Variants in GALNT17 observed in about 807,000 individuals in gnomAD.
The protein encoded by GALNT17 is polypeptide N-acetylgalactosaminyltransferase 17, also known as UDP-GalNAc:polypeptide N-acetylgalactosaminyltransferase-like 3.
Under a neutral mutation model 63.7 loss-of-function variants are expected in GALNT17, and 29 were observed. The observed-to-expected ratio is 0.46, with a 90% CI of 0.34 to 0.62. The LOEUF (loss-of-function observed/expected upper bound fraction) is 0.62, where lower values mean the gene tolerates loss of function less well. GALNT17 is among the 20% of genes least tolerant of loss of function. GALNT17 has a pLI of 0.01. For synonymous variants in GALNT17, 305 were observed against 318.3 expected (o/e 0.96, Z 0.45); for missense variants, 603 against 799.6 (o/e 0.75, Z 2.97).
chr7:71,629,577 TCAAA>T (rs1454437469), intron 6 of GALNT17, among the ~76,000 whole-genome samples: 2 of 152,104 alleles, frequency 1.3e-5, no homozygotes, highest in African/African-American at 4.8e-5. Context: ...ATTCCTGGGC[TCAAA>T]CAATCTTCCC....
At chr7:71,616,524 C>T (rs936073135) in intron 6 of GALNT17, among the ~76,000 whole-genome samples, 3 of 145,950 alleles carry the variant, frequency 2.1e-5, no homozygotes, top group African/African-American at 7.5e-5. Flanking sequence ...TATGTTAATA[C>T]ATTATATGTA....
intron 5 of GALNT17, among the ~76,000 whole-genome samples, chr7:71,512,623 G>A (rs891874201): frequency 6.6e-6 from 1 of 152,196 alleles, no homozygotes; most frequent in Admixed American, 6.5e-5. Flanking sequence ...ATGAACGTGA[G>A]AGACCATTGA....
At chr7:71,526,624 A>C (rs553609728) in intron 5 of GALNT17, among the ~76,000 whole-genome samples, 1 of 152,042 alleles carries the variant, frequency 6.6e-6, no homozygotes, top group Non-Finnish European at 1.5e-5. Flanking sequence ...GGTTCAAGCA[A>C]TTCTCCTGTC....
At chr7:71,496,402 G>A (rs1479393411) in intron 5 of GALNT17, among the ~76,000 whole-genome samples, 1 of 152,118 alleles carries the variant, frequency 6.6e-6, no homozygotes, top group Non-Finnish European at 1.5e-5. Context: ...TCTTTCTAGA[G>A]AAACAGCAGG....
At chr7:71,465,786 G>A (rs1255785841) in intron 5 of GALNT17, among the ~76,000 whole-genome samples, 1 of 152,180 alleles carries the variant, frequency 6.6e-6, no homozygotes, top group Non-Finnish European at 1.5e-5. Flanking sequence ...CTGTCTTGAG[G>A]TTATAGAAAG....
At chr7:71,183,926 G>A (rs1026544335) in intron 1 of GALNT17, among the ~76,000 whole-genome samples, 50 of 151,950 alleles carry the variant, frequency 3.3e-4, no homozygotes, top group African/African-American at 5.3e-4. Context: ...CAGCAGCAGG[G>A]ACAACCACAT....
Position 71,504,085 on chromosome 7 carries a change from G to A in GALNT17, c.963-67200G>A, listed in dbSNP as rs62459901. Among the ~76,000 whole-genome samples, 481 of 152,138 alleles carry A rather than the reference G, an allele frequency of 3.2e-3. 8 individuals are homozygous for A. Among genetic ancestry groups the A allele is most frequent in the South Asian group, 0.016 (77 of 4,806 alleles). ...CTACCAAAAATACAAAAAATTATCC[G>A]GGCATGGTGGCGGGAACCTGTAGTC... is the stretch of plus-strand genomic sequence containing the variant. On this transcript the variant is annotated intron_variant, in intron 5 of 10. Transcript: ENST00000333538.
chr7:71,538,681 C>G (rs537622956), intron 5 of GALNT17, among the ~76,000 whole-genome samples: 1 of 152,026 alleles, frequency 6.6e-6, no homozygotes, highest in Non-Finnish European at 1.5e-5. Context: ...TCAAATTAAC[C>G]CTCTTTTAAA....
chr7:71,523,723 C>T (rs112913444), intron 5 of GALNT17, among the ~76,000 whole-genome samples: 7,064 of 150,434 alleles, frequency 0.047, 325 homozygotes, highest in African/African-American at 0.12. Context: ...GCCTTGGCAA[C>T]AGAGCAAGAC....
intron 1 of GALNT17, among the ~76,000 whole-genome samples, chr7:71,320,193 G>A (rs1332235371): frequency 2.0e-5 from 3 of 151,980 alleles, no homozygotes; most frequent in Non-Finnish European, 2.9e-5. Flanking sequence ...ATGAGAAGAG[G>A]GCAGTCTGCA....
At chr7:71,576,152 T>C (rs1328661493) in intron 6 of GALNT17, among the ~76,000 whole-genome samples, 1 of 152,178 alleles carries the variant, frequency 6.6e-6, no homozygotes, top group Non-Finnish European at 1.5e-5. Context: ...TTCTGTTCTC[T>C]TATATAAAAA....
At chr7:71,609,567 G>A (rs948212175) in intron 6 of GALNT17, among the ~76,000 whole-genome samples, 4 of 152,060 alleles carry the variant, frequency 2.6e-5, no homozygotes, top group African/African-American at 9.7e-5. Flanking sequence ...GTACATAGTA[G>A]GTGTATATAT....
At chr7:71,172,801 T>A (rs1007833895) in intron 1 of GALNT17, among the ~76,000 whole-genome samples, 1 of 152,242 alleles carries the variant, frequency 6.6e-6, no homozygotes, top group Non-Finnish European at 1.5e-5. Flanking sequence ...ATAACTGAGA[T>A]AAGCAGTTTT....
intron 1 of GALNT17, among the ~76,000 whole-genome samples, chr7:71,263,001 G>A (rs923247244): frequency 2.0e-5 from 3 of 152,042 alleles, no homozygotes; most frequent in Non-Finnish European, 4.4e-5. Flanking sequence ...CTTATGAGAA[G>A]AGGAAATTTG....
At chr7:71,633,430 C>A (rs572610316) in intron 6 of GALNT17, among the ~76,000 whole-genome samples, 3 of 152,256 alleles carry the variant, frequency 2.0e-5, no homozygotes, top group East Asian at 3.9e-4. Context: ...GCTCTCCTGT[C>A]GGCTGATGGC....
intron 5 of GALNT17, among the ~76,000 whole-genome samples, chr7:71,557,660 G>A (rs766527194): frequency 3.9e-5 from 6 of 152,072 alleles, no homozygotes; most frequent in African/African-American, 7.2e-5. Context: ...GCCCGGTGGC[G>A]TGTGCCTGTA....
intron 3 of GALNT17, among the ~76,000 whole-genome samples, chr7:71,409,737 A>G (rs1447972322): frequency 2.6e-5 from 4 of 152,210 alleles, no homozygotes; most frequent in Admixed American, 6.5e-5. Context: ...TAACAGATCA[A>G]TTATGCTGAG....
intron 2 of GALNT17, among the ~76,000 whole-genome samples, chr7:71,350,257 C>T (rs777890507): frequency 4.6e-5 from 7 of 152,294 alleles, no homozygotes; most frequent in Non-Finnish European, 8.8e-5. Context: ...TCCTTGTACT[C>T]ATTTGATTTT....
chr7:71,152,924 C>G (rs530681909), intron 1 of GALNT17, among the ~76,000 whole-genome samples: 1 of 152,096 alleles, frequency 6.6e-6, no homozygotes, highest in Non-Finnish European at 1.5e-5. Context: ...TGAGCCACGC[C>G]CCAGTTCACG....
Sources: gnomAD v4.1 joint callset for allele counts (sites outside exome capture counted in the v4.1 genomes callset) on GRCh38, gnomAD v4.1.1 for gene constraint, MANE v1.5 for transcripts, NCBI Gene and HGNC (gene_info 2026-07-23, HGNC 2026-07-21) for gene names.